RPAP2: variants seen among roughly 807,000 people sequenced by gnomAD.
The protein encoded by RPAP2 is putative RNA polymerase II subunit B1 CTD phosphatase RPAP2.
RPAP2 carries 52 observed loss-of-function variants against 73.1 expected under a neutral mutation model. The observed-to-expected ratio is 0.71, with a 90% confidence interval of 0.57 to 0.90. The LOEUF is 0.90. Ranked by LOEUF, RPAP2 falls within the 40% of genes least tolerant of loss-of-function variation. The probability of loss-of-function intolerance (pLI) is 0.00; values close to 1 mark genes in which losing one functional copy is unlikely to be tolerated. For missense variants in RPAP2, 598 were observed against 701.8 expected, an observed-to-expected ratio of 0.85 and a Z score of 1.67; for synonymous variants, 225 against 242.1, an observed-to-expected ratio of 0.93 and a Z score of 0.65.
intron 11 of RPAP2, among the ~76,000 whole-genome samples, chr1:92,377,233 T>C (rs1269833947): frequency 1.3e-5 from 2 of 152,068 alleles, no homozygotes; most frequent in Non-Finnish European, 2.9e-5. Context: ...AGAATTGGGT[T>C]GTGTAGGCCG....
rs34824136 is a variant in RPAP2, at chr1:92,396,634, A to ATGTGTGTG, written c.*9640_*9647dup. The ATGTGTGTG allele has an allele frequency of 0.28, 41,647 of 149,840 alleles. 6,910 individuals carry two copies. Among genetic ancestry groups the ATGTGTGTG allele is most frequent in the East Asian group, 0.73 (3,670 of 5,004 alleles). 9.3% of individuals were successfully genotyped at this position (149,840 alleles called of 1,614,324 possible). A position where few individuals can be genotyped will look rare whatever the true frequency, so the allele number is the denominator to read the frequency against. On this transcript the variant is annotated 3_prime_UTR_variant, in exon 13 of 13. Transcript: ENST00000610020. ...AAGTTGTAATTTTTGCACAACTTTT[A>ATGTGTGTG]TGTGTGTGTGTGTGTGTGTGTGTGA...
chr1:92,321,004 G>C lies in RPAP2; in HGVS notation c.524+370G>C, dbSNP rs575144712. On this transcript the variant is annotated intron_variant, in intron 7 of 12. Coordinates refer to ENST00000610020, the MANE Select transcript of RPAP2 (RefSeq NM_024813.3). ...GGATTTCAAAACCAGTAATGTACCA[G>C]TTACTTAATTATTTGAAAGAGCATC... Among the ~76,000 whole-genome samples the C allele has an allele frequency of 2.6e-5, 4 of 152,294 alleles. No homozygotes were observed. The East Asian group carries it at 7.7e-4, about 29-fold the overall frequency.
At chr1:92,368,386 GA>G (rs796660206) in intron 11 of RPAP2, among the ~76,000 whole-genome samples, 3 of 151,838 alleles carry the variant, frequency 2.0e-5, no homozygotes, top group African/African-American at 7.3e-5. Context: ...CTCAAAAAAA[GA>G]AAAAAATCCA....
At chr1:92,337,868 G>A (rs1229039993) in intron 10 of RPAP2, among the ~76,000 whole-genome samples, 1 of 151,926 alleles carries the variant, frequency 6.6e-6, no homozygotes, top group African/African-American at 2.4e-5. Context: ...ACTACTAGTA[G>A]GTAATACATT....
Position 92,320,518 on chromosome 1 carries a change from G to C in RPAP2, c.489-81G>C, listed in dbSNP as rs943482558. The C allele has an allele frequency of 6.4e-5, 71 of 1,103,652 alleles. No homozygotes were observed. The African/African-American group carries it at 1.0e-3, about 16-fold the overall frequency. 68.4% of individuals were successfully genotyped at this position (1,103,652 alleles called of 1,614,324 possible). On this transcript the variant is annotated intron_variant, in intron 6 of 12. Coordinates refer to ENST00000610020, the MANE Select transcript of RPAP2 (RefSeq NM_024813.3). ...AATCTCCTGACCTCGAGATCCGCCTGCCCAGCCTCCGAAAGTGCTGGGGTT... is the reference window on the plus strand; with the variant it reads ...AATCTCCTGACCTCGAGATCCGCCTCCCCAGCCTCCGAAAGTGCTGGGGTT...
At chr1:92,305,980 G>A (rs936583754) in intron 5 of RPAP2, among the ~76,000 whole-genome samples, 1 of 152,106 alleles carries the variant, frequency 6.6e-6, no homozygotes, top group Non-Finnish European at 1.5e-5. Flanking sequence ...CAGCATGTAT[G>A]TATAAAAATG....
At chr1:92,304,129 A>G in intron 4 of RPAP2, 54 bp downstream of exon 4, 1 of 1,373,114 alleles carries the variant, frequency 7.3e-7, no homozygotes, top group Non-Finnish European at 1.0e-6. Flanking sequence ...CATTTAGCAA[A>G]ATACTTTGTT....
intron 3 of RPAP2, 40 bp downstream of exon 3, chr1:92,301,630 A>G: frequency 1.2e-6 from 1 of 858,660 alleles, no homozygotes. Flanking sequence ...TTGTAGTATA[A>G]CATCTTTAAA....
intron 11 of RPAP2, among the ~76,000 whole-genome samples, chr1:92,373,747 A>ATT (rs1420361738): frequency 7.3e-6 from 1 of 136,818 alleles, no homozygotes; most frequent in African/African-American, 2.9e-5. Context: ...AATAAAAAAA[A>ATT]AAAAAAAAAA....
intron 11 of RPAP2, among the ~76,000 whole-genome samples, chr1:92,348,224 C>G (rs1191770282): frequency 1.3e-5 from 2 of 152,202 alleles, no homozygotes; most frequent in East Asian, 3.9e-4. Flanking sequence ...GCAGTAAACA[C>G]TATTTGCTTT....
In RPAP2 at chr1:92,323,570, G is replaced by A. The variant is rs756062870; in HGVS notation, c.650G>A (p.Ser217Asn). 6.2e-7 allele frequency: 1 copy of A among 1,614,042 alleles called. No homozygotes were observed. The highest frequency in any genetic ancestry group is 8.5e-7 in the Non-Finnish European group (1 of 1,179,972). Residue 217 changes from serine (S) to asparagine (N), a missense_variant, in exon 8 of 13, where the codon AGT (serine) becomes AAT (asparagine). Physicochemically the swap from Ser to Asn is conservative, Grantham distance 46 (BLOSUM62 1). Around this residue, in one of 3 missense-constraint regions of RPAP2, gnomAD observed 506 missense variants for 612.8 expected, o/e 0.83. Transcript: ENST00000610020. ...TCTAGCACTCACAGTGATAGTAGCA[G>A]TGACAATGAGCAAGACTTTGTTTCC... The part of the protein sequence containing the change: ...SSSSTHSDSS[S>N]DNEQDFVSSI...
intron 11 of RPAP2, among the ~76,000 whole-genome samples, chr1:92,377,380 G>A (rs1342453311): frequency 2.6e-5 from 4 of 152,054 alleles, no homozygotes; most frequent in Non-Finnish European, 5.9e-5. Context: ...TTAGCTGGGC[G>A]TGGTGGCACA....
rs1656008985 is a variant in RPAP2, at chr1:92,390,574, G to A, written c.*3563G>A. On this transcript the variant is annotated 3_prime_UTR_variant, in exon 13 of 13. Coordinates refer to ENST00000610020, the MANE Select transcript of RPAP2 (RefSeq NM_024813.3). ...AACCTTAAATGTAAATGGGATAAATGCCCCAATTAAAAGACACAGACTGGC... is the reference window on the plus strand; with the variant it reads ...AACCTTAAATGTAAATGGGATAAATACCCCAATTAAAAGACACAGACTGGC... 1.3e-5 allele frequency: 2 copies of A among 152,254 alleles called. No homozygotes were observed. The highest frequency in any genetic ancestry group is 1.3e-4 in the Admixed American group (2 of 15,294). The allele number at this position is 152,254 out of a possible 1,614,324, so 9.4% of individuals were successfully genotyped here.
rs1652468268 is a variant in RPAP2 at position 92,323,930 on chromosome 1, T to C, written c.1010T>C (p.Phe337Ser). Residue 337 changes from phenylalanine to serine, a missense_variant, in exon 8 of 13, where the codon TTT (phenylalanine) becomes TCT (serine). Around this residue, in one of 3 missense-constraint regions of RPAP2, gnomAD observed 506 missense variants for 612.8 expected, o/e 0.83. Transcript: ENST00000610020. ...ATAAGTAAGAAAAGTGCAGAGCATTTTAAGAGAAAATTTGCCAAATCAAAC... is the reference window on the plus strand; with the variant it reads ...ATAAGTAAGAAAAGTGCAGAGCATTCTAAGAGAAAATTTGCCAAATCAAAC... ...VGISKKSAEH[F>S]KRKFAKSNQV... 6.2e-7 allele frequency: 1 copy of C among 1,614,164 alleles called. No individual in the cohort carries two copies. The highest frequency in any genetic ancestry group is 8.5e-7 in the Non-Finnish European group (1 of 1,180,006).
intron 4 of RPAP2, 34 bp from the exon 5 acceptor site, chr1:92,304,250 G>T: frequency 1.5e-6 from 2 of 1,347,204 alleles, no homozygotes; most frequent in Non-Finnish European, 1.1e-6. Context: ...TTATTATTTG[G>T]ATTCTTTTGT....
chr1:92,333,112 C>T (rs569075707), intron 8 of RPAP2: 1 of 338,598 alleles, frequency 3.0e-6, no homozygotes, highest in East Asian at 5.1e-5. Flanking sequence ...TTTACAAAAT[C>T]TTTTTGTTTA....
intron 11 of RPAP2, among the ~76,000 whole-genome samples, chr1:92,373,742 A>AAAT (rs1655261967): frequency 9.1e-6 from 1 of 109,490 alleles, no homozygotes; most frequent in African/African-American, 6.6e-5. Context: ...CTAAAAATAA[A>AAAT]AAAAAAAAAA....
At chr1:92,364,953 GC>G (rs1463655025) in intron 11 of RPAP2, among the ~76,000 whole-genome samples, 2 of 152,116 alleles carry the variant, frequency 1.3e-5, no homozygotes, top group Non-Finnish European at 2.9e-5. Context: ...TTCAGAAGTG[GC>G]CCCAACTTAC....
At chr1:92,372,289 A>T (rs1237549639) in intron 11 of RPAP2, among the ~76,000 whole-genome samples, 1 of 152,172 alleles carries the variant, frequency 6.6e-6, no homozygotes, top group Non-Finnish European at 1.5e-5. Flanking sequence ...GGACCAAGCA[A>T]CCACTCCAGG....
Sources: gnomAD v4.1 joint callset for allele counts (sites outside exome capture counted in the v4.1 genomes callset) on GRCh38, gnomAD v4.1.1 for gene constraint, gnomAD v4.1.1 regional missense constraint, MANE v1.5 for transcripts, NCBI Gene and HGNC (gene_info 2026-07-23, HGNC 2026-07-21) for gene names.